The following CCDC171 variants were observed in gnomAD, a reference collection of about 807,000 sequenced individuals.
CCDC171 encodes coiled-coil domain containing 171, also known as coiled-coil domain-containing protein 171.
In CCDC171, 177 loss-of-function variants were observed where a neutral mutation model predicts 168.2. The ratio of observed to expected loss-of-function variants is 1.05; its 90% CI spans 0.93 to 1.19. The LOEUF is 1.19. Among genes scored for constraint, CCDC171 ranks in the 50% most tolerant of loss-of-function variants. CCDC171 has a pLI of 0.00. For synonymous variants in CCDC171, 687 were observed against 540.8 expected (o/e 1.27, Z -3.75); for missense variants, 1,991 against 1,539.0 (o/e 1.29, Z -4.91).
intron 6 of CCDC171, among the ~76,000 whole-genome samples, chr9:15,617,537 CG>C (rs1564060082): frequency 1.3e-5 from 2 of 151,846 alleles, no homozygotes; most frequent in African/African-American, 4.8e-5. Flanking sequence ...CCACCACACC[CG>C]GCTAATTTTT....
intron 6 of CCDC171, among the ~76,000 whole-genome samples, chr9:15,615,939 G>A (rs1452477454): frequency 6.6e-6 from 1 of 151,796 alleles, no homozygotes; most frequent in East Asian, 1.9e-4. Flanking sequence ...CACAACGCCA[G>A]CTAATTTTTG....
the CCDC171 span, among the ~76,000 whole-genome samples, chr9:16,087,629 A>G: frequency 1.4e-5 from 2 of 141,900 alleles, no homozygotes; most frequent in Admixed American, 7.3e-5. Context: ...TTTTGAGCCA[A>G]TGTGTATGTC....
At chr9:15,841,148 A>G (rs2060663995) in intron 21 of CCDC171, among the ~76,000 whole-genome samples, 2 of 152,170 alleles carry the variant, frequency 1.3e-5, no homozygotes, top group Non-Finnish European at 2.9e-5. Context: ...TTTGTTGTTA[A>G]TCATCTGTCA....
chr9:15,987,651 G>C (rs1003442714), intron 3 of CCDC171, among the ~76,000 whole-genome samples: 15 of 152,180 alleles, frequency 9.9e-5, no homozygotes, highest in Non-Finnish European at 2.1e-4. Context: ...AAAGGAGTGA[G>C]ATGGAGTTAC....
exon 5 of CCDC171, chr9:16,022,500 T>C (rs1033799981): frequency 2.6e-5 from 4 of 152,330 alleles, no homozygotes; most frequent in African/African-American, 9.6e-5. Flanking sequence ...CCCTGTACCA[T>C]GCCTGTTCTT....
intron 21 of CCDC171, among the ~76,000 whole-genome samples, chr9:15,837,760 T>C (rs184094271): frequency 6.6e-6 from 1 of 152,224 alleles, no homozygotes; most frequent in African/African-American, 2.4e-5. Context: ...TGAAGAGTGG[T>C]TAAAAATTAT....
At chr9:15,989,369 G>C (rs1832109343) in intron 3 of CCDC171, among the ~76,000 whole-genome samples, 1 of 152,170 alleles carries the variant, frequency 6.6e-6, no homozygotes, top group Admixed American at 6.5e-5. Flanking sequence ...TGAGGGTCCT[G>C]ACTGTTAGAA....
At chr9:15,947,914 C>A (rs529527870) in intron 25 of CCDC171, among the ~76,000 whole-genome samples, 2,103 of 151,312 alleles carry the variant, frequency 0.014, 56 homozygotes, top group African/African-American at 0.047. Context: ...CATGCTGGTG[C>A]GCTGCACCCA....
chr9:15,676,470 G>A (rs993748112), intron 9 of CCDC171, among the ~76,000 whole-genome samples: 6 of 151,814 alleles, frequency 4.0e-5, no homozygotes, highest in Non-Finnish European at 8.8e-5. Context: ...CCCATCTTCT[G>A]CGTTGATCTC....
At chr9:15,617,567 G>A (rs568743919) in intron 6 of CCDC171, among the ~76,000 whole-genome samples, 1 of 151,876 alleles carries the variant, frequency 6.6e-6, no homozygotes, top group Non-Finnish European at 1.5e-5. Context: ...TAGTAGAGAC[G>A]GGGTTTCACC....
rs565452401 is a variant in CCDC171 at position 15,972,607 on chromosome 9, C to T, written c.*771C>T. 10 of 152,264 alleles carry T rather than the reference C, an allele frequency of 6.6e-5. No homozygotes were observed. Among genetic ancestry groups the T allele is most frequent in the African/African-American group, 1.7e-4 (7 of 41,566 alleles). 9.4% of individuals were successfully genotyped at this position (152,264 alleles called of 1,614,324 possible). On this transcript the variant is annotated 3_prime_UTR_variant, in exon 26 of 26. Coordinates refer to ENST00000380701, the MANE Select transcript of CCDC171 (RefSeq NM_173550.4). ...GCACTTCATAAGGACAGTTCCCACA[C>T]TAGGATAGCAGGTAATATATTTAGT...
chr9:16,008,649 GC>G (rs922843271), intron 3 of CCDC171, among the ~76,000 whole-genome samples: 20 of 152,132 alleles, frequency 1.3e-4, no homozygotes, highest in Admixed American at 1.2e-3. Context: ...TCTGGCTGCT[GC>G]CCCTCTCCTT....
At chr9:15,805,069 T>C (rs566380333) in intron 21 of CCDC171, among the ~76,000 whole-genome samples, 28 of 152,324 alleles carry the variant, frequency 1.8e-4, no homozygotes, top group Admixed American at 3.9e-4. Flanking sequence ...TCTGTGATGG[T>C]TGTTTGTATT....
chr9:15,581,815 A>C (rs1344210754), intron 4 of CCDC171, among the ~76,000 whole-genome samples: 1 of 152,150 alleles, frequency 6.6e-6, no homozygotes, highest in East Asian at 1.9e-4. Flanking sequence ...TAAGACCTAA[A>C]GCCATAAAAA....
At chr9:15,808,209 T>C (rs1282680510) in intron 21 of CCDC171, among the ~76,000 whole-genome samples, 1 of 152,056 alleles carries the variant, frequency 6.6e-6, no homozygotes, top group East Asian at 1.9e-4. Flanking sequence ...AGATTTGAAA[T>C]AGTCACTTTA....
chr9:15,647,250 C>A (rs1370594789), intron 7 of CCDC171, among the ~76,000 whole-genome samples: 1 of 152,022 alleles, frequency 6.6e-6, no homozygotes, highest in Non-Finnish European at 1.5e-5. Context: ...ACATTCAAAG[C>A]AGTGTGTAGA....
At chr9:15,611,753 C>T (rs370750142) in intron 6 of CCDC171, among the ~76,000 whole-genome samples, 6 of 152,206 alleles carry the variant, frequency 3.9e-5, no homozygotes, top group Admixed American at 2.0e-4. Context: ...AGAGGCAACC[C>T]GAGAGTGTAA....
In CCDC171 at chr9:15,952,036, G is replaced by T. The variant is rs1408380560; in HGVS notation, c.3754-19573G>T. ...TCCTTGATCCATTTTGATTTAATTTGTGTACATAGTGTTCTTCATTCTTTC... is the reference window on the plus strand; with the variant it reads ...TCCTTGATCCATTTTGATTTAATTTTTGTACATAGTGTTCTTCATTCTTTC... On this transcript the variant is annotated intron_variant, in intron 25 of 25. Coordinates refer to ENST00000380701, the MANE Select transcript of CCDC171 (RefSeq NM_173550.4). Among the ~76,000 whole-genome samples, 5 of 152,176 alleles carry T rather than the reference G, an allele frequency of 3.3e-5. 1 individual carries two copies. Among genetic ancestry groups the T allele is most frequent in the South Asian group, 2.1e-4 (1 of 4,830 alleles).
chr9:15,871,317 G>T (rs1415052206), intron 23 of CCDC171, among the ~76,000 whole-genome samples: 1 of 151,594 alleles, frequency 6.6e-6, no homozygotes, highest in South Asian at 2.1e-4. Context: ...GAATAAAAAG[G>T]CATAGAATCT....
Sources: gnomAD v4.1 joint callset for allele counts (sites outside exome capture counted in the v4.1 genomes callset) on GRCh38, gnomAD v4.1.1 for gene constraint, MANE v1.5 for transcripts, NCBI Gene and HGNC (gene_info 2026-07-23, HGNC 2026-07-21) for gene names.